The following HYDIN variants were observed in gnomAD, a reference collection of about 807,000 sequenced individuals.
HYDIN encodes the protein HYDIN axonemal central pair apparatus protein, also known as axonemal central pair apparatus protein HYDIN.
A neutral mutation model predicts 403.9 loss-of-function variants in HYDIN; 132 were observed. The ratio of observed to expected loss-of-function variants is 0.33; its 90% CI spans 0.28 to 0.38. The LOEUF (loss-of-function observed/expected upper bound fraction) is 0.38, where lower values mean the gene tolerates loss of function less well. Among genes scored for constraint, HYDIN ranks in the 10% least tolerant of loss-of-function variants. The pLI is 1.00. For missense variants in HYDIN, 2,827 were observed against 5,009.5 expected, an observed-to-expected ratio of 0.56 and a Z score of 13.15; for synonymous variants, 1,202 against 1,891.7, an observed-to-expected ratio of 0.64 and a Z score of 9.46.
rs1252676007 is a variant in HYDIN at position 70,981,491 on chromosome 16, A to G, written c.4410T>C (p.Ser1470=). The G allele has an allele frequency of 5.0e-6, 8 of 1,612,058 alleles. No homozygotes were observed. Among genetic ancestry groups the G allele is most frequent in the Non-Finnish European group, 6.8e-6 (8 of 1,179,314 alleles). The stretch of plus-strand genomic sequence containing the variant: ...CCAGGTGGGCGATCTGTATCTGGAA[A>G]CTCCTTTTAAAGACCTCAGGTACTC... The part of the protein sequence containing the change: ...LPGVPEVFKR[S]FQIQIAHLDP... The change falls in exon 29 of 86, where the codon AGT becomes AGC. Residue 1470 remains serine (S), a synonymous_variant. Transcript: ENST00000393567.
At chr16:71,191,545 T>A (rs1221515872) in intron 1 of HYDIN, among the ~76,000 whole-genome samples, 1 of 152,146 alleles carries the variant, frequency 6.6e-6, no homozygotes, top group Non-Finnish European at 1.5e-5. Context: ...GCTGTTCCAG[T>A]CCTCTACTAC....
rs543340582 is a variant in HYDIN, at chr16:70,875,019, A to G, written c.10558-100T>C. 55 of 1,183,104 alleles carry G rather than the reference A, an allele frequency of 4.6e-5. No individual in the cohort carries two copies. In the African/African-American group the frequency reaches 7.7e-4, roughly 17 times the overall value. 73.3% of individuals were successfully genotyped at this position (1,183,104 alleles called of 1,614,324 possible). A position where few individuals can be genotyped will look rare whatever the true frequency, so the allele number is the denominator to read the frequency against. The stretch of plus-strand genomic sequence containing the variant: ...GTGCTGTGTTTGGGGCAGGACCCCA[A>G]AAAGGTATTATGCCTAGTATTCACT... On this transcript the variant is annotated intron_variant, in intron 62 of 85. Coordinates refer to ENST00000393567, the MANE Select transcript of HYDIN (RefSeq NM_001270974.2).
At chr16:70,917,989 G>A (rs1346410757) in intron 47 of HYDIN, among the ~76,000 whole-genome samples, 5 of 151,832 alleles carry the variant, frequency 3.3e-5, no homozygotes, top group Admixed American at 6.6e-5. Flanking sequence ...ATCATTATCC[G>A]TTTCCTCTTA....
At position 70,969,083 on chromosome 16, in the gene HYDIN, T is replaced by A. The variant is rs1347041860; in HGVS notation, c.5619+1437A>T. ...TTGAAGATAAAATAATAGAAATTACTTACTCTGGATAACAGAGAAAATAGA... is the reference window on the plus strand; with the variant it reads ...TTGAAGATAAAATAATAGAAATTACATACTCTGGATAACAGAGAAAATAGA... On this transcript the variant is annotated intron_variant, in intron 36 of 85. Transcript: ENST00000393567. Among the ~76,000 whole-genome samples, 3 of 152,134 alleles carry A rather than the reference T, an allele frequency of 2.0e-5. No homozygotes were observed. In the East Asian group the frequency reaches 5.8e-4, roughly 29 times the overall value.
rs572388260 is a variant in HYDIN at position 71,139,276 on chromosome 16, T to G, written c.842-1924A>C. 1.1e-4 allele frequency among the ~76,000 whole-genome samples: 17 copies of G among 151,704 alleles called. No homozygotes were observed. In the East Asian group the frequency reaches 1.4e-3, roughly 12 times the overall value. ...ACTTGGTGAAAGAAACTCAATTTTT[T>G]GGGGGGGGAAAGGTACTTGCATCCA... On this transcript the variant is annotated intron_variant, in intron 7 of 85. Transcript: ENST00000393567.
At chr16:71,016,188 C>T (rs1240903476) in intron 23 of HYDIN, among the ~76,000 whole-genome samples, 4 of 152,154 alleles carry the variant, frequency 2.6e-5, no homozygotes, top group African/African-American at 7.2e-5. Flanking sequence ...AAAATTCAAC[C>T]TATGGAAAGG....
At chr16:70,835,415 C>T (rs539363194) in intron 78 of HYDIN, among the ~76,000 whole-genome samples, 1 of 152,136 alleles carries the variant, frequency 6.6e-6, no homozygotes, top group East Asian at 1.9e-4. Context: ...AAACAAATGA[C>T]AATGAATGAC....
At chr16:71,146,100 C>T (rs2085358068) in intron 7 of HYDIN, among the ~76,000 whole-genome samples, 1 of 151,768 alleles carries the variant, frequency 6.6e-6, no homozygotes, top group Admixed American at 6.6e-5. Context: ...AAAAATACCC[C>T]CAAATGTTTA....
chr16:70,948,697 A>G (rs1461694670), intron 41 of HYDIN, among the ~76,000 whole-genome samples: 5 of 151,874 alleles, frequency 3.3e-5, no homozygotes, highest in African/African-American at 1.2e-4. Flanking sequence ...GCCAAAAAAC[A>G]CATGAAAAAA....
chr16:71,119,870 T>A (rs954013462), intron 9 of HYDIN, among the ~76,000 whole-genome samples: 6 of 151,672 alleles, frequency 4.0e-5, no homozygotes, highest in South Asian at 4.2e-4. Flanking sequence ...CAGTTTCACG[T>A]CTTTGAAAGA....
chr16:70,957,363 G>A (rs2078277051), intron 39 of HYDIN, among the ~76,000 whole-genome samples: 1 of 140,248 alleles, frequency 7.1e-6, no homozygotes, highest in African/African-American at 2.8e-5. Context: ...GTCTCGCCCT[G>A]TAGCCCAGGC....
At chr16:70,891,380 G>A (rs1320916244) in intron 57 of HYDIN, among the ~76,000 whole-genome samples, 2 of 152,110 alleles carry the variant, frequency 1.3e-5, no homozygotes, top group African/African-American at 4.8e-5. Flanking sequence ...GTAGAGATGG[G>A]GTTTCACCAC....
intron 1 of HYDIN, among the ~76,000 whole-genome samples, chr16:71,213,733 T>A (rs140330745): frequency 6.6e-6 from 1 of 152,280 alleles, no homozygotes; most frequent in East Asian, 1.9e-4. Flanking sequence ...CAAAGCCATT[T>A]ATGATTTTTA....
intron 1 of HYDIN, among the ~76,000 whole-genome samples, chr16:71,210,964 A>G (rs1446538662): frequency 6.6e-6 from 1 of 152,122 alleles, no homozygotes; most frequent in Non-Finnish European, 1.5e-5. Context: ...AAAAGAGATA[A>G]ATATAAAATA....
In HYDIN at chr16:70,807,858, A is replaced by G. The variant is rs1263122722; in HGVS notation, c.15088T>C (p.Phe5030Leu). ...ATGCTGTACCCGGCTCGGATCGAGA[A>G]GGGACCTTGGGGCTTGGGAGGCAGA... is the stretch of plus-strand genomic sequence containing the variant. ...MALPPKPQGP[F>L]SIRAGYSIII... The change falls in exon 86 of 86, where the codon TTC (phenylalanine) becomes CTC (leucine). Residue 5030 changes from phenylalanine to leucine, a missense_variant. Transcript: ENST00000393567. 6.2e-7 allele frequency: 1 copy of G among 1,614,188 alleles called. No individual in the cohort carries two copies. The highest frequency in any genetic ancestry group is 1.1e-5 in the South Asian group (1 of 91,078).
At chr16:71,171,234 G>A (rs369426226) in intron 5 of HYDIN, among the ~76,000 whole-genome samples, 1 of 152,112 alleles carries the variant, frequency 6.6e-6, no homozygotes, top group Non-Finnish European at 1.5e-5. Flanking sequence ...ATATTTGCAC[G>A]GCTTAAATTA....
At chr16:71,139,097 A>G (rs932703943) in intron 7 of HYDIN, among the ~76,000 whole-genome samples, 19 of 19,746 alleles carry the variant, frequency 9.6e-4, no homozygotes, top group Admixed American at 1.4e-3. Context: ...ATAAAGAAGA[A>G]AAAAAAAAAA....
chr16:70,805,387 G>A lies in HYDIN; in HGVS notation c.*2193C>T, dbSNP rs968629354. Among the ~76,000 whole-genome samples, 1 of 152,200 alleles carries A rather than the reference G, an allele frequency of 6.6e-6. No individual in the cohort carries two copies. The highest frequency in any genetic ancestry group is 2.4e-5 in the African/African-American group (1 of 41,452). Reference sequence around the variant, plus strand: ...ATTCCCAGGTGATGCTGATGCTGCAGGTCCATAGGCCACTCCGAATAACCA... The same window carrying A: ...ATTCCCAGGTGATGCTGATGCTGCAAGTCCATAGGCCACTCCGAATAACCA... On this transcript the variant is annotated 3_prime_UTR_variant, in exon 86 of 86. Transcript: ENST00000393567.
chr16:71,208,297 A>G (rs2088404643), intron 1 of HYDIN, among the ~76,000 whole-genome samples: 2 of 152,224 alleles, frequency 1.3e-5, no homozygotes, highest in South Asian at 4.1e-4. Flanking sequence ...TATGAAAGTT[A>G]AACAACCTGC....
Sources: gnomAD v4.1 joint callset for allele counts (sites outside exome capture counted in the v4.1 genomes callset) on GRCh38, gnomAD v4.1.1 for gene constraint, MANE v1.5 for transcripts, NCBI Gene and HGNC (gene_info 2026-07-23, HGNC 2026-07-21) for gene names.